Variants in SH3GL3 observed in about 807,000 individuals in gnomAD.
SH3GL3 encodes the protein SH3 domain containing GRB2 like 3, endophilin A3, also known as endophilin-A3.
In SH3GL3, 33 loss-of-function variants were observed where a neutral mutation model predicts 47.7. That is an observed-to-expected ratio of 0.69 (90% CI 0.52 to 0.92). The LOEUF (loss-of-function observed/expected upper bound fraction) is 0.92. Among genes scored for constraint, SH3GL3 ranks in the 40% least tolerant of loss-of-function variants. The pLI is 0.00. For synonymous variants in SH3GL3, 155 were observed against 148.8 expected (o/e 1.04, Z -0.30); for missense variants, 363 against 417.8 (o/e 0.87, Z 1.14).
rs1261728977 is a variant in SH3GL3 at position 83,510,667 on chromosome 15, GA to G, written c.46-48582del. Among the ~76,000 whole-genome samples, 31 of 152,114 alleles carry G rather than the reference GA, an allele frequency of 2.0e-4. No homozygotes were observed. The East Asian group carries it at 2.3e-3, about 11-fold the overall frequency. ...TCAGAGAAAATATAAATATTTTATG[GA>G]AAAGTCAAAGCTTGTAGAGGCATGT... On this transcript the variant is annotated intron_variant, in intron 1 of 8. Transcript: ENST00000427482.
At position 83,473,447 on chromosome 15, in the gene SH3GL3, A is replaced by G. The variant is rs376523304; in HGVS notation, c.45+25869A>G. Among the ~76,000 whole-genome samples the G allele has an allele frequency of 3.7e-4, 57 of 152,040 alleles. No homozygotes were observed. The East Asian group carries it at 6.2e-3, about 17-fold the overall frequency. On this transcript the variant is annotated intron_variant, in intron 1 of 8. Transcript: ENST00000427482. ...GGCTGGAGTAGAGCAGTTATTGTCT[A>G]AAAGTTTTCTTTCTTCCTTGGCTGC... is the stretch of plus-strand genomic sequence containing the variant.
chr15:83,457,929 A>T (rs1214806176), intron 1 of SH3GL3, among the ~76,000 whole-genome samples: 1 of 152,336 alleles, frequency 6.6e-6, no homozygotes, highest in East Asian at 1.9e-4. Context: ...TGATTTAAAA[A>T]TGCATTTGAA....
rs536484744 is a variant in SH3GL3 at position 83,615,582 on chromosome 15, G to A, written c.839-2500G>A. Among the ~76,000 whole-genome samples, 3 of 152,260 alleles carry A rather than the reference G, an allele frequency of 2.0e-5. No individual in the cohort carries two copies. In the East Asian group the frequency reaches 5.8e-4, roughly 29 times the overall value. ...CCGCCTTGGCCTCCCAGAGTGCTGG[G>A]ATTACAGGTGTGAGCCACCACACCC... is the stretch of plus-strand genomic sequence containing the variant. On this transcript the variant is annotated intron_variant, in intron 8 of 8. Coordinates refer to ENST00000427482, the MANE Select transcript of SH3GL3 (RefSeq NM_003027.5).
intron 1 of SH3GL3, among the ~76,000 whole-genome samples, chr15:83,520,519 C>G (rs758948661): frequency 1.3e-5 from 2 of 152,084 alleles, no homozygotes; most frequent in East Asian, 3.9e-4. Context: ...AGAAAGCTGT[C>G]TTCCAAGAGA....
rs556653869 is a variant in SH3GL3 at position 83,521,643 on chromosome 15, G to A, written c.46-37610G>A. On this transcript the variant is annotated intron_variant, in intron 1 of 8. Transcript: ENST00000427482. Reference sequence around the variant, plus strand: ...AAGCCTGAGAAATGTAGATTGCAGAGTAGAATCACTGAGTGGAGGTTGGGG... The same window carrying A: ...AAGCCTGAGAAATGTAGATTGCAGAATAGAATCACTGAGTGGAGGTTGGGG... 5.9e-5 allele frequency among the ~76,000 whole-genome samples: 9 copies of A among 152,306 alleles called. No homozygotes were observed. The South Asian group carries it at 1.7e-3, about 28-fold the overall frequency.
chr15:83,588,176 G>A (rs1342137668), intron 7 of SH3GL3, among the ~76,000 whole-genome samples: 1 of 152,104 alleles, frequency 6.6e-6, no homozygotes, highest in African/African-American at 2.4e-5. Context: ...GTGCAGTGGC[G>A]CCATCTTGGC....
intron 5 of SH3GL3, among the ~76,000 whole-genome samples, chr15:83,573,547 G>A (rs1049150141): frequency 6.6e-6 from 1 of 152,208 alleles, no homozygotes; most frequent in African/African-American, 2.4e-5. Flanking sequence ...GCACGCTAAT[G>A]TTCAGAAACC....
At chr15:83,532,630 GT>G (rs2043730694) in intron 1 of SH3GL3, among the ~76,000 whole-genome samples, 1 of 152,204 alleles carries the variant, frequency 6.6e-6, no homozygotes, top group African/African-American at 2.4e-5. Context: ...TTAGGAATGA[GT>G]TTGGCTGCAA....
At chr15:83,555,740 C>T (rs2044919801) in intron 1 of SH3GL3, among the ~76,000 whole-genome samples, 1 of 152,180 alleles carries the variant, frequency 6.6e-6, no homozygotes, top group Non-Finnish European at 1.5e-5. Flanking sequence ...AGAACTTGAA[C>T]CCAGACTCTG....
chr15:83,567,510 G>A (rs190409233), intron 3 of SH3GL3, among the ~76,000 whole-genome samples: 5 of 152,214 alleles, frequency 3.3e-5, no homozygotes, highest in African/African-American at 1.2e-4. Context: ...GGAAAGGAAG[G>A]TAAGACGCAG....
In SH3GL3 at chr15:83,448,913, G is replaced by C. The variant is rs757870421; in HGVS notation, c.45+1335G>C. ...CTATTCAGGTGAGGGTGGAGATGATGGATTCACCACTGAACCCAGGGACTT... is the reference window on the plus strand; with the variant it reads ...CTATTCAGGTGAGGGTGGAGATGATCGATTCACCACTGAACCCAGGGACTT... On this transcript the variant is annotated intron_variant, in intron 1 of 8. Transcript: ENST00000427482. This position sits in a 1 kb window ranked among gnomAD's most constrained non-coding sequence, Gnocchi z 4.2. Among the ~76,000 whole-genome samples the C allele has an allele frequency of 4.6e-5, 7 of 152,130 alleles. No individual in the cohort carries two copies. The highest frequency in any genetic ancestry group is 8.8e-5 in the Non-Finnish European group (6 of 68,032).
chr15:83,514,501 A>T (rs766096443), intron 1 of SH3GL3, among the ~76,000 whole-genome samples: 32 of 152,200 alleles, frequency 2.1e-4, no homozygotes, highest in Admixed American at 6.5e-4. Context: ...GGCGAAGTCT[A>T]TTGGAGCATT....
At chr15:83,608,466 A>T (rs2060585039) in intron 8 of SH3GL3, among the ~76,000 whole-genome samples, 1 of 152,210 alleles carries the variant, frequency 6.6e-6, no homozygotes, top group African/African-American at 2.4e-5. Context: ...AGCATTAGAC[A>T]CCAGTGTTGT....
intron 1 of SH3GL3, among the ~76,000 whole-genome samples, chr15:83,543,630 C>T (rs2044267555): frequency 6.6e-6 from 1 of 151,814 alleles, no homozygotes; most frequent in Non-Finnish European, 1.5e-5. Flanking sequence ...CATCATGTCC[C>T]AGGCTTGTTT....
In SH3GL3 at chr15:83,505,649, C is replaced by A. The variant is rs140807598; in HGVS notation, c.46-53604C>A. 7.4e-3 allele frequency among the ~76,000 whole-genome samples: 1,116 copies of A among 151,550 alleles called. 6 individuals carry two copies. Among genetic ancestry groups the A allele is most frequent in the Non-Finnish European group, 0.013 (864 of 67,956 alleles). ...TTCAAGCGATTCTCCGCCTCAGCTT[C>A]CCAAGTAGCTGAGATTACAGGTGTG... On this transcript the variant is annotated intron_variant, in intron 1 of 8. Transcript: ENST00000427482.
chr15:83,608,911 CT>C (rs1248689336), intron 8 of SH3GL3, among the ~76,000 whole-genome samples: 5 of 152,132 alleles, frequency 3.3e-5, no homozygotes, highest in Non-Finnish European at 7.3e-5. Flanking sequence ...ACCTTCCTCT[CT>C]GTTCATCAGC....
At chr15:83,502,218 C>T (rs1042801836) in intron 1 of SH3GL3, among the ~76,000 whole-genome samples, 2 of 152,226 alleles carry the variant, frequency 1.3e-5, no homozygotes, top group African/African-American at 4.8e-5. Context: ...GCATTCCCCT[C>T]ATCAGTGTGT....
chr15:83,633,200 C>T, the SH3GL3 span, among the ~76,000 whole-genome samples: 9 of 152,186 alleles, frequency 5.9e-5, no homozygotes, highest in South Asian at 1.9e-3. Context: ...TTTGGTATTA[C>T]AGAAAATGCA....
chr15:83,607,355 G>A (rs996155978), intron 8 of SH3GL3, among the ~76,000 whole-genome samples: 4 of 152,204 alleles, frequency 2.6e-5, no homozygotes, highest in African/African-American at 7.2e-5. Flanking sequence ...AGAGGACTCT[G>A]AGTCCATATG....
Sources: gnomAD v4.1 joint callset for allele counts (sites outside exome capture counted in the v4.1 genomes callset) on GRCh38, gnomAD v4.1.1 for gene constraint, Gnocchi (gnomAD v3.1) non-coding constraint, MANE v1.5 for transcripts, NCBI Gene and HGNC (gene_info 2026-07-23, HGNC 2026-07-21) for gene names.